Variants in CLIC5 observed in about 807,000 individuals in gnomAD.
The protein encoded by CLIC5 is CLIC family member 5.
In CLIC5, 20 loss-of-function variants were observed where a neutral mutation model predicts 24.7. That is an observed-to-expected ratio of 0.81 (90% CI 0.57 to 1.18). The LOEUF (loss-of-function observed/expected upper bound fraction) is 1.18. Ranked by LOEUF, CLIC5 falls within the 50% of genes most tolerant of loss-of-function variation. The probability of loss-of-function intolerance (pLI) is 0.00; values close to 1 mark genes in which losing one functional copy is unlikely to be tolerated. For missense variants in CLIC5, 341 were observed against 326.1 expected, an observed-to-expected ratio of 1.05 and a Z score of -0.35; for synonymous variants, 159 against 135.6, an observed-to-expected ratio of 1.17 and a Z score of -1.20.
At chr6:46,069,728 C>T (rs1234939844) in intron 1 of CLIC5, among the ~76,000 whole-genome samples, 1 of 152,024 alleles carries the variant, frequency 6.6e-6, no homozygotes, top group Non-Finnish European at 1.5e-5. Context: ...TCTATGAGGC[C>T]AACATCATCC....
At chr6:46,115,996 T>G in the CLIC5 span, among the ~76,000 whole-genome samples, 3 of 152,210 alleles carry the variant, frequency 2.0e-5, no homozygotes, top group Non-Finnish European at 4.4e-5. Flanking sequence ...ACTCATGCTA[T>G]TTTTTATCCT....
At chr6:46,098,776 C>A in the CLIC5 span, among the ~76,000 whole-genome samples, 1 of 152,268 alleles carries the variant, frequency 6.6e-6, no homozygotes, top group East Asian at 1.9e-4. Flanking sequence ...GGTGTCACCA[C>A]CCAGTCAATC....
intron 4 of CLIC5, among the ~76,000 whole-genome samples, chr6:45,929,418 G>A (rs1763638641): frequency 6.6e-6 from 1 of 152,130 alleles, no homozygotes; most frequent in South Asian, 2.1e-4. Context: ...CTCCGAGGTG[G>A]GTCCCACCGA....
chr6:45,892,763 C>T (rs895717574), intron 6 of CLIC5, among the ~76,000 whole-genome samples: 4 of 152,142 alleles, frequency 2.6e-5, no homozygotes, highest in Admixed American at 1.3e-4. Context: ...TTCATCTTTA[C>T]GAGGTAAAGG....
intron 1 of CLIC5, among the ~76,000 whole-genome samples, chr6:46,036,306 C>CTTTT (rs67557243): frequency 7.9e-5 from 7 of 88,182 alleles, no homozygotes; most frequent in African/African-American, 1.4e-4. Context: ...ACTGCAAGGT[C>CTTTT]TTTTTTTTTT....
At chr6:46,026,981 C>T (rs968745218) in intron 1 of CLIC5, among the ~76,000 whole-genome samples, 3 of 152,124 alleles carry the variant, frequency 2.0e-5, no homozygotes, top group African/African-American at 7.2e-5. Context: ...ACTGAGATGG[C>T]AATTGCCATA....
chr6:46,072,463 A>C (rs552995859), intron 1 of CLIC5, among the ~76,000 whole-genome samples: 1 of 152,226 alleles, frequency 6.6e-6, no homozygotes, highest in South Asian at 2.1e-4. Flanking sequence ...AGTTATTCAG[A>C]AGTTTTAGTT....
intron 5 of CLIC5, chr6:45,911,737 T>C: frequency 1.0e-6 from 1 of 985,436 alleles, no homozygotes; most frequent in East Asian, 1.1e-4. Flanking sequence ...GTTCCCCTTC[T>C]TGTTTGTCTC....
chr6:46,024,209 C>A (rs1267537425), intron 1 of CLIC5, among the ~76,000 whole-genome samples: 2 of 152,096 alleles, frequency 1.3e-5, no homozygotes, highest in Non-Finnish European at 2.9e-5. Flanking sequence ...CAACTAGATT[C>A]CATTTGCCTT....
At chr6:46,085,568 A>G in the CLIC5 span, among the ~76,000 whole-genome samples, 529 of 152,328 alleles carry the variant, frequency 3.5e-3, 3 homozygotes, top group African/African-American at 0.011. Flanking sequence ...GGGTATCAGC[A>G]GTGGTGGCTG....
At chr6:46,018,346 T>A (rs1454383751), upstream of CLIC5, among the ~76,000 whole-genome samples, 2 of 152,188 alleles carry the variant, frequency 1.3e-5, no homozygotes, top group Non-Finnish European at 2.9e-5. Context: ...CCTATCAGAG[T>A]TAACTTTCAT....
At chr6:45,912,571 G>A in intron 5 of CLIC5, 1 of 1,424,708 alleles carries the variant, frequency 7.0e-7, no homozygotes, top group Non-Finnish European at 9.4e-7. Context: ...GTTCTTCTAG[G>A]CATGAGAAAA....
chr6:45,988,782 C>T (rs1182514715), intron 1 of CLIC5, among the ~76,000 whole-genome samples: 1 of 152,222 alleles, frequency 6.6e-6, no homozygotes, highest in Admixed American at 6.5e-5. Flanking sequence ...CTTTGTGGTG[C>T]TGGCCCAGCC....
chr6:46,018,101 C>A (rs1767072022), upstream of CLIC5, among the ~76,000 whole-genome samples: 3 of 152,206 alleles, frequency 2.0e-5, no homozygotes, highest in Non-Finnish European at 4.4e-5. Flanking sequence ...CAGAGGGAGA[C>A]TGGTGCCTTC....
At chr6:45,910,951 C>G (rs376986170) in intron 5 of CLIC5, among the ~76,000 whole-genome samples, 1 of 152,180 alleles carries the variant, frequency 6.6e-6, no homozygotes, top group African/African-American at 2.4e-5. Context: ...TTTGTCAATA[C>G]TCACAGGACC....
At chr6:46,125,739 T>G in the CLIC5 span, among the ~76,000 whole-genome samples, 2 of 152,144 alleles carry the variant, frequency 1.3e-5, no homozygotes, top group Admixed American at 1.3e-4. Flanking sequence ...TGGCTTTGCT[T>G]TCTTCTCAGG....
At chr6:45,987,623 G>T (rs893759661) in intron 1 of CLIC5, among the ~76,000 whole-genome samples, 2 of 152,182 alleles carry the variant, frequency 1.3e-5, no homozygotes, top group Non-Finnish European at 2.9e-5. Context: ...TGGAAGCTGG[G>T]AAATCCAAGA....
chr6:45,989,775 T>C (rs913791070), intron 1 of CLIC5, among the ~76,000 whole-genome samples: 1 of 152,210 alleles, frequency 6.6e-6, no homozygotes, highest in African/African-American at 2.4e-5. Context: ...ATCTGCCCTT[T>C]AGAATAGGAG....
At chr6:45,977,057 G>T (rs927803959) in intron 1 of CLIC5, among the ~76,000 whole-genome samples, 1 of 152,148 alleles carries the variant, frequency 6.6e-6, no homozygotes, top group African/African-American at 2.4e-5. Context: ...TTGCAAGAAA[G>T]TGGTGTTTAA....
Sources: allele counts gnomAD v4.1 joint callset (sites outside exome capture counted in the v4.1 genomes callset), GRCh38; gene constraint gnomAD v4.1.1; transcripts MANE v1.5; gene names NCBI Gene and HGNC (gene_info 2026-07-23, HGNC 2026-07-21).